The following KHDRBS3 variants were observed in gnomAD, a reference collection of about 807,000 sequenced individuals.
The protein encoded by KHDRBS3 is KH RNA binding domain containing, signal transduction associated 3, also known as KH domain-containing, RNA-binding, signal transduction-associated protein 3.
In KHDRBS3, 23 loss-of-function variants were observed where a neutral mutation model predicts 45.6. The ratio of observed to expected loss-of-function variants is 0.50; its 90% confidence interval spans 0.36 to 0.72. KHDRBS3 has a LOEUF of 0.72. Ranked by LOEUF, KHDRBS3 falls within the 30% of genes least tolerant of loss-of-function variation. The pLI, the probability that KHDRBS3 is intolerant of heterozygous loss-of-function variation, is 0.00. For missense variants in KHDRBS3, 352 were observed against 424.8 expected (o/e 0.83, Z 1.51); for synonymous variants, 162 against 156.5 (o/e 1.04, Z -0.26).
intron 2 of KHDRBS3, among the ~76,000 whole-genome samples, chr8:135,530,595 A>G (rs1187073336): frequency 6.6e-6 from 1 of 152,084 alleles, no homozygotes; most frequent in Admixed American, 6.5e-5. Context: ...GTTAGACCAA[A>G]TGGCCACTGA....
At chr8:135,637,003 G>C (rs1443124696) in intron 7 of KHDRBS3, among the ~76,000 whole-genome samples, 3 of 152,196 alleles carry the variant, frequency 2.0e-5, no homozygotes, top group Non-Finnish European at 4.4e-5. Context: ...AGTGAACAAG[G>C]ACCAAGGAAA....
rs1361948677 is a variant in KHDRBS3 at position 135,457,623 on chromosome 8, C to T, written c.-244C>T. 1 of 147,062 alleles carries T rather than the reference C, an allele frequency of 6.8e-6. No homozygotes were observed. The allele number at this position is 147,062 out of a possible 1,614,324, so 9.1% of individuals were successfully genotyped here. ...CGCCCGCGCCCGCTCCTCCTCGGCC[C>T]GCGCCCGGAGCGCGGGGGCCGCCGG... On this transcript the variant is annotated 5_prime_UTR_variant, in exon 1 of 9. Coordinates refer to ENST00000355849, the MANE Select transcript of KHDRBS3 (RefSeq NM_006558.3). The surrounding 1 kb of genome is among the most constrained non-coding windows in gnomAD (Gnocchi z 4.4).
chr8:135,627,607 T>C (rs1434448476), intron 7 of KHDRBS3, among the ~76,000 whole-genome samples: 4 of 152,190 alleles, frequency 2.6e-5, no homozygotes, highest in African/African-American at 9.7e-5. Flanking sequence ...TTTTTTTCCT[T>C]TTACTGAGAT....
At chr8:135,580,891 G>T (rs540773446) in intron 5 of KHDRBS3, among the ~76,000 whole-genome samples, 1 of 152,116 alleles carries the variant, frequency 6.6e-6, no homozygotes, top group African/African-American at 2.4e-5. Context: ...GGGATTACAG[G>T]CCTGAGCCGT....
chr8:135,494,300 A>T (rs1278041299), intron 1 of KHDRBS3, among the ~76,000 whole-genome samples: 2 of 94,064 alleles, frequency 2.1e-5, no homozygotes, highest in African/African-American at 6.0e-5. Context: ...TTTTTTTGAG[A>T]CAGAGTCTCA....
chr8:135,545,268 A>G (rs139082627), intron 3 of KHDRBS3, among the ~76,000 whole-genome samples: 6 of 152,206 alleles, frequency 3.9e-5, no homozygotes, highest in African/African-American at 1.4e-4. Flanking sequence ...CCAGGAGATG[A>G]TAAGGAGGAG....
intron 6 of KHDRBS3, among the ~76,000 whole-genome samples, chr8:135,603,567 C>A (rs538960719): frequency 1.3e-5 from 2 of 152,180 alleles, no homozygotes; most frequent in Admixed American, 1.3e-4. Context: ...ATTCCTCTGC[C>A]CCCATTTAAT....
intron 2 of KHDRBS3, among the ~76,000 whole-genome samples, chr8:135,527,632 A>G (rs1247065496): frequency 1.3e-5 from 2 of 152,264 alleles, no homozygotes; most frequent in Non-Finnish European, 1.5e-5. Context: ...GGAATGCCAC[A>G]TGCATAGTCA....
chr8:135,501,737 A>G (rs1823745239), intron 1 of KHDRBS3, among the ~76,000 whole-genome samples: 1 of 151,748 alleles, frequency 6.6e-6, no homozygotes. Context: ...CATAGATATC[A>G]TATAGTAGAA....
chr8:135,572,658 A>C (rs952499902), intron 5 of KHDRBS3, among the ~76,000 whole-genome samples: 1 of 152,194 alleles, frequency 6.6e-6, no homozygotes, highest in African/African-American at 2.4e-5. Context: ...TCTGGCCTAA[A>C]ACAAGGTCCT....
intron 1 of KHDRBS3, among the ~76,000 whole-genome samples, chr8:135,467,130 TTAAAAA>T (rs1255912912): frequency 3.3e-5 from 5 of 152,350 alleles, no homozygotes; most frequent in Admixed American, 6.5e-5. Context: ...ACCCCCACAA[TTAAAAA>T]TAAAAATTAA....
chr8:135,536,966 C>CAA (rs869256475), intron 2 of KHDRBS3, among the ~76,000 whole-genome samples: 1,249 of 11,490 alleles, frequency 0.11, 40 homozygotes, highest in East Asian at 0.13. Context: ...AACTCCATCT[C>CAA]AAAAAAAAAA....
intron 1 of KHDRBS3, among the ~76,000 whole-genome samples, chr8:135,516,255 C>A: frequency 6.6e-6 from 1 of 152,162 alleles, no homozygotes; most frequent in Non-Finnish European, 1.5e-5. Context: ...GCCTGTGGAA[C>A]TGGAAGTTGC....
At chr8:135,656,214 CCT>C (rs1310118566) in intron 4 of KHDRBS3, 2 of 152,130 alleles carry the variant, frequency 1.3e-5, no homozygotes, top group Non-Finnish European at 2.9e-5. Context: ...ATTTCATTTT[CCT>C]CTCTTTCAGG....
At chr8:135,594,700 T>C (rs1351900707) in intron 6 of KHDRBS3, among the ~76,000 whole-genome samples, 1 of 152,238 alleles carries the variant, frequency 6.6e-6, no homozygotes, top group Non-Finnish European at 1.5e-5. Flanking sequence ...CCAGTACTAT[T>C]CACATGTGCT....
rs1830505080 is a variant in KHDRBS3 at position 135,629,444 on chromosome 8, GTGTCT to G, written c.891-15613_891-15609del. Among the ~76,000 whole-genome samples the G allele has an allele frequency of 5.3e-5, 8 of 152,262 alleles. No homozygotes were observed. In the South Asian group the frequency reaches 1.7e-3, roughly 32 times the overall value. On this transcript the variant is annotated intron_variant, in intron 7 of 8. Coordinates refer to ENST00000355849, the MANE Select transcript of KHDRBS3 (RefSeq NM_006558.3). ...ATTCATTCATTCATTCCTTCTATCA[GTGTCT>G]TTATTGAGCACCTTTTATGTCTGAA... is the stretch of plus-strand genomic sequence containing the variant.
chr8:135,504,056 A>G lies in KHDRBS3; in HGVS notation c.89-17181A>G, dbSNP rs143933423. The stretch of plus-strand genomic sequence containing the variant: ...CCTCAGCTTGCCTAAGCGATTGTCA[A>G]GGGGACCGAGAGCCTTCTGACTTGC... On this transcript the variant is annotated intron_variant, in intron 1 of 8. Transcript: ENST00000355849. Among the ~76,000 whole-genome samples the G allele has an allele frequency of 4.7e-3, 714 of 152,332 alleles. 2 individuals are homozygous for G. Among genetic ancestry groups the G allele is most frequent in the African/African-American group, 0.017 (686 of 41,562 alleles).
intron 1 of KHDRBS3, among the ~76,000 whole-genome samples, chr8:135,506,404 CTTTTTTT>C (rs35050617): frequency 7.2e-6 from 1 of 139,794 alleles, no homozygotes; most frequent in Non-Finnish European, 1.6e-5. Context: ...TAACATTCCT[CTTTTTTT>C]TTTTTTTTTT....
intron 1 of KHDRBS3, among the ~76,000 whole-genome samples, chr8:135,478,390 A>G (rs995976642): frequency 6.6e-6 from 1 of 152,258 alleles, no homozygotes; most frequent in African/African-American, 2.4e-5. Context: ...TGGAGACTTC[A>G]ATACCCCACT....
Sources: gnomAD v4.1 joint callset for allele counts (sites outside exome capture counted in the v4.1 genomes callset) on GRCh38, gnomAD v4.1.1 for gene constraint, Gnocchi (gnomAD v3.1) non-coding constraint, MANE v1.5 for transcripts, NCBI Gene and HGNC (gene_info 2026-07-23, HGNC 2026-07-21) for gene names.